The following MGLL variants were observed in gnomAD, a reference collection of about 807,000 sequenced individuals.
The protein encoded by MGLL is lysophospholipase homolog.
MGLL carries 7 observed loss-of-function variants against 29.1 expected under a neutral mutation model. That is an observed-to-expected ratio of 0.24 (90% CI 0.14 to 0.45). MGLL has a LOEUF of 0.45. Ranked by LOEUF, MGLL falls within the 20% of genes least tolerant of loss-of-function variation. The probability of loss-of-function intolerance (pLI) is 0.99; values close to 1 mark genes in which losing one functional copy is unlikely to be tolerated. For synonymous variants in MGLL, 148 were observed against 168.3 expected (o/e 0.88, Z 0.93); for missense variants, 356 against 413.6 (o/e 0.86, Z 1.21).
intron 3 of MGLL, among the ~76,000 whole-genome samples, chr3:127,777,018 G>A (rs2077048023): frequency 6.6e-6 from 1 of 152,124 alleles, no homozygotes; most frequent in Non-Finnish European, 1.5e-5. Flanking sequence ...GCTATAAAAA[G>A]CTATGCCCTT....
Position 127,736,369 on chromosome 3 carries a change from G to A in MGLL, c.263-13803C>T, listed in dbSNP as rs2076242523. The A allele has an allele frequency of 4.1e-6, 4 of 985,488 alleles. No individual in the cohort carries two copies. The South Asian group carries it at 1.9e-4, about 46-fold the overall frequency. The allele number at this position is 985,488 out of a possible 1,614,324, so 61.0% of individuals were successfully genotyped here. A position where few individuals can be genotyped will look rare whatever the true frequency, so the allele number is the denominator to read the frequency against. On this transcript the variant is annotated intron_variant, in intron 3 of 7. Coordinates refer to ENST00000265052, the MANE Select transcript of MGLL (RefSeq NM_007283.7). Reference sequence around the variant, plus strand: ...TGAAGTCAGGATCCCAGAGCTTCCAGAAAAGGCAGGAGTTGGGTCAGCGAA... The same window carrying A: ...TGAAGTCAGGATCCCAGAGCTTCCAAAAAAGGCAGGAGTTGGGTCAGCGAA...
chr3:127,692,184 A>G lies in MGLL; in HGVS notation c.*14T>C. 6.5e-7 allele frequency: 1 copy of G among 1,529,410 alleles called. No homozygotes were observed. Among genetic ancestry groups the G allele is most frequent in the East Asian group, 2.7e-5 (1 of 36,798 alleles). 94.7% of individuals were successfully genotyped at this position (1,529,410 alleles called of 1,614,324 possible). On this transcript the variant is annotated 3_prime_UTR_variant, in exon 8 of 8. Coordinates refer to ENST00000265052, the MANE Select transcript of MGLL (RefSeq NM_007283.7). ...GCATCCCCCAGACCATGAGCCGGGC[A>G]CCGGCCAATGCATTCAGGGTGGGGA... is the stretch of plus-strand genomic sequence containing the variant.
intron 3 of MGLL, among the ~76,000 whole-genome samples, chr3:127,724,932 C>T (rs755558784): frequency 2.0e-5 from 3 of 152,150 alleles, no homozygotes; most frequent in Non-Finnish European, 2.9e-5. Flanking sequence ...AAGCATCCCC[C>T]TTTCTGATTC....
intron 3 of MGLL, among the ~76,000 whole-genome samples, chr3:127,726,189 GAA>G (rs71150492): frequency 9.5e-6 from 1 of 105,718 alleles, no homozygotes; most frequent in East Asian, 3.0e-4. Flanking sequence ...AGAAAGAAAA[GAA>G]AAGAAAGAAA....
chr3:127,805,575 AC>A (rs960187317), intron 2 of MGLL, among the ~76,000 whole-genome samples: 1 of 151,956 alleles, frequency 6.6e-6, no homozygotes, highest in Non-Finnish European at 1.5e-5. Context: ...TATCATGCCC[AC>A]CCCCCACTAG....
At chr3:127,787,059 G>T (rs2077226697) in intron 2 of MGLL, among the ~76,000 whole-genome samples, 1 of 152,224 alleles carries the variant, frequency 6.6e-6, no homozygotes, top group African/African-American at 2.4e-5. Flanking sequence ...AGTGCACTGA[G>T]GCCCTGCGGC....
intron 3 of MGLL, among the ~76,000 whole-genome samples, chr3:127,767,012 A>G (rs2076869285): frequency 6.6e-6 from 1 of 152,176 alleles, no homozygotes; most frequent in South Asian, 2.1e-4. Flanking sequence ...CAGAGATTGC[A>G]GGTAGGGCCG....
intron 5 of MGLL, among the ~76,000 whole-genome samples, chr3:127,719,681 C>T (rs1395436794): frequency 6.6e-6 from 1 of 152,130 alleles, no homozygotes; most frequent in Non-Finnish European, 1.5e-5. Context: ...CATGTCTCCC[C>T]CCAATCGCAC....
chr3:127,783,759 T>A (rs2077169166), intron 2 of MGLL: 1 of 152,252 alleles, frequency 6.6e-6, no homozygotes, highest in Non-Finnish European at 1.5e-5. Flanking sequence ...ATCAGATGTG[T>A]ACTTGTGTAA....
At chr3:127,731,280 A>G (rs1300695085) in intron 3 of MGLL, among the ~76,000 whole-genome samples, 1 of 150,804 alleles carries the variant, frequency 6.6e-6, no homozygotes, top group African/African-American at 2.4e-5. Flanking sequence ...CAACCTCCCA[A>G]GTACTGGGAC....
chr3:127,695,768 G>C (rs2075348700), intron 6 of MGLL, among the ~76,000 whole-genome samples: 2 of 152,088 alleles, frequency 1.3e-5, no homozygotes, highest in Non-Finnish European at 1.5e-5. Context: ...AAAAACGAAA[G>C]TTTCAAGTAT....
At chr3:127,823,014 G>A (rs1027648876), upstream of MGLL, 1 of 152,256 alleles carries the variant, frequency 6.6e-6, no homozygotes, top group South Asian at 2.1e-4. Context: ...GCGTGTCCGG[G>A]ACCCCAGTGC....
chr3:127,711,082 G>A (rs3821581), intron 5 of MGLL: 127,731 of 317,844 alleles, frequency 0.4, 25,933 homozygotes, highest in Middle Eastern at 0.53. Flanking sequence ...ACGAAGCAGG[G>A]CAGTGCGGAA....
chr3:127,800,035 A>C (rs893933632), intron 2 of MGLL, among the ~76,000 whole-genome samples: 1 of 152,242 alleles, frequency 6.6e-6, no homozygotes, highest in South Asian at 2.1e-4. Context: ...TAGAATATGA[A>C]TAGAAGTGAC....
Position 127,795,263 on chromosome 3 carries a change from T to C in MGLL, c.156-13368A>G, listed in dbSNP as rs78983654. 4.9e-3 allele frequency among the ~76,000 whole-genome samples: 752 copies of C among 152,308 alleles called. 6 individuals carry two copies. Among genetic ancestry groups the C allele is most frequent in the Admixed American group, 7.8e-3 (119 of 15,296 alleles). Reference sequence around the variant, plus strand: ...AGCTGGAGATTACTAAACAAATTAATTTATCCTAAACAAATTAATGCAGGA... The same window carrying C: ...AGCTGGAGATTACTAAACAAATTAACTTATCCTAAACAAATTAATGCAGGA... On this transcript the variant is annotated intron_variant, in intron 2 of 7. Transcript: ENST00000265052.
intron 3 of MGLL, among the ~76,000 whole-genome samples, chr3:127,767,070 C>CA (rs11293851): frequency 2.0e-5 from 3 of 151,396 alleles, no homozygotes; most frequent in African/African-American, 7.3e-5. Context: ...GAGACTCTAT[C>CA]AAAAAAAAAA....
intron 5 of MGLL, among the ~76,000 whole-genome samples, chr3:127,716,350 T>C (rs996092897): frequency 2.0e-5 from 3 of 152,214 alleles, no homozygotes; most frequent in Admixed American, 2.0e-4. Context: ...ACTCAACCGC[T>C]CTGCAGCAGG....
chr3:127,775,694 T>C (rs1310885950), intron 3 of MGLL, among the ~76,000 whole-genome samples: 5 of 152,218 alleles, frequency 3.3e-5, no homozygotes, highest in African/African-American at 4.8e-5. Flanking sequence ...ACTTTGTAAA[T>C]ACAGAGGAGG....
At chr3:127,715,821 C>T (rs986275227) in intron 5 of MGLL, 2 of 456,772 alleles carry the variant, frequency 4.4e-6, no homozygotes, top group Non-Finnish European at 8.8e-6. Context: ...GCTGTGAGCA[C>T]ACCAGGGAAG....
Sources: gnomAD v4.1 joint callset for allele counts (sites outside exome capture counted in the v4.1 genomes callset) on GRCh38, gnomAD v4.1.1 for gene constraint, MANE v1.5 for transcripts, NCBI Gene and HGNC (gene_info 2026-07-23, HGNC 2026-07-21) for gene names.